The following SOX5 variants were observed in gnomAD, a reference collection of about 807,000 sequenced individuals.
The protein encoded by SOX5 is SRY-box transcription factor 5.
SOX5 carries 9 observed loss-of-function variants against 92.0 expected under a neutral mutation model. The ratio of observed to expected loss-of-function variants is 0.10; its 90% CI spans 0.06 to 0.17. The LOEUF (loss-of-function observed/expected upper bound fraction) is 0.17, where lower values mean the gene tolerates loss of function less well. SOX5 is among the 10% of genes least tolerant of loss of function. The pLI, the probability that SOX5 is intolerant of heterozygous loss-of-function variation, is 1.00. For missense variants in SOX5, 642 were observed against 944.5 expected, an observed-to-expected ratio of 0.68 and a Z score of 4.20; for synonymous variants, 344 against 336.3, an observed-to-expected ratio of 1.02 and a Z score of -0.25.
At chr12:23,594,860 T>C (rs920786403) in intron 9 of SOX5, among the ~76,000 whole-genome samples, 1 of 152,120 alleles carries the variant, frequency 6.6e-6, no homozygotes, top group Admixed American at 6.5e-5. Context: ...TTACTTTCCC[T>C]CCTGTTTAGA....
At chr12:23,930,627 GT>G (rs1384483016) in intron 1 of SOX5, among the ~76,000 whole-genome samples, 5 of 151,686 alleles carry the variant, frequency 3.3e-5, no homozygotes, top group African/African-American at 1.2e-4. Flanking sequence ...ACAGTTCTTA[GT>G]TGTTCTTAAT....
Position 24,393,052 on chromosome 12 carries a change from G to A in SOX5, c.-250-24413C>T, listed in dbSNP as rs146494908. Among the ~76,000 whole-genome samples, 1 of 152,146 alleles carries A rather than the reference G, an allele frequency of 6.6e-6. No individual in the cohort carries two copies. The highest frequency in any genetic ancestry group is 1.5e-5 in the Non-Finnish European group (1 of 68,022). On this transcript the variant is annotated intron_variant, in intron 1 of 4. Coordinates refer to the SOX5 transcript ENST00000446891. The surrounding 1 kb of genome is among the most constrained non-coding windows in gnomAD (Gnocchi z 5.0). ...CATATGAGAGGCTTCAATCTTGAGT[G>A]TGTGGGGGCATAAGTATTTTTTTCT...
At chr12:24,454,357 A>C (rs1444971962) in intron 1 of SOX5, among the ~76,000 whole-genome samples, 2 of 152,218 alleles carry the variant, frequency 1.3e-5, no homozygotes, top group African/African-American at 4.8e-5. Context: ...CAGAGATCAG[A>C]CATATCACTT....
At chr12:23,839,798 T>C (rs1219560035) in intron 3 of SOX5, among the ~76,000 whole-genome samples, 1 of 146,704 alleles carries the variant, frequency 6.8e-6, no homozygotes, top group African/African-American at 2.5e-5. Flanking sequence ...CTCAGCAAAC[T>C]AGGAATAGAG....
chr12:24,348,169 A>G (rs528759125), intron 2 of SOX5, among the ~76,000 whole-genome samples: 1 of 151,998 alleles, frequency 6.6e-6, no homozygotes, highest in South Asian at 2.1e-4. Flanking sequence ...AAGTGTGCCA[A>G]TTACCAGTTT....
chr12:24,111,180 C>G (rs995708097), intron 4 of SOX5, among the ~76,000 whole-genome samples: 1 of 151,928 alleles, frequency 6.6e-6, no homozygotes, highest in Non-Finnish European at 1.5e-5. Context: ...AAAAATCACC[C>G]CCCATTGAAA....
chr12:23,691,810 T>G (rs1271792743), intron 6 of SOX5, among the ~76,000 whole-genome samples: 1 of 152,104 alleles, frequency 6.6e-6, no homozygotes, highest in Non-Finnish European at 1.5e-5. Flanking sequence ...TTAAAAAATA[T>G]CCTTTGGCTC....
intron 3 of SOX5, chr12:24,227,776 G>C (rs1962408866): frequency 6.6e-6 from 1 of 152,170 alleles, no homozygotes; most frequent in African/African-American, 2.4e-5. Context: ...ATTCAGCACG[G>C]TATCCTTCGA....
intron 4 of SOX5, among the ~76,000 whole-genome samples, chr12:23,995,940 TG>T (rs1950991830): frequency 6.6e-6 from 1 of 152,196 alleles, no homozygotes; most frequent in Admixed American, 6.5e-5. Flanking sequence ...TGTCTTACCT[TG>T]GGATATATGT....
rs927873198 is a variant in SOX5 at position 24,253,925 on chromosome 12, C to A, written c.-77+23291G>T. ...AGGCAAGTTACTTAACTATCTGTGT[C>A]TCAATTTCCTCATCTATAAAAATGT... On this transcript the variant is annotated intron_variant, in intron 3 of 4. Coordinates refer to the SOX5 transcript ENST00000446891. Among the ~76,000 whole-genome samples, 5 of 152,264 alleles carry A rather than the reference C, an allele frequency of 3.3e-5. No homozygotes were observed. The East Asian group carries it at 9.6e-4, about 29-fold the overall frequency.
At chr12:23,770,048 G>GTTT (rs71059922) in intron 3 of SOX5, among the ~76,000 whole-genome samples, 1,214 of 106,446 alleles carry the variant, frequency 0.011, 52 homozygotes, top group Middle Eastern at 0.037. Context: ...TGCTCCCTCT[G>GTTT]TTTTTTTTTT....
rs571303726 is a variant in SOX5 at position 23,854,061 on chromosome 12, A to G, written c.271-7868T>C. 1.2e-3 allele frequency among the ~76,000 whole-genome samples: 184 copies of G among 152,144 alleles called. 1 individual carries two copies. Among genetic ancestry groups the G allele is most frequent in the African/African-American group, 3.9e-3 (164 of 41,524 alleles). On this transcript the variant is annotated intron_variant, in intron 2 of 14. Coordinates refer to ENST00000451604, the MANE Select transcript of SOX5 (RefSeq NM_006940.6). ...AGTAAACTTGACTAAATATCTATTC[A>G]CTCTATGTGTCTGAAGGAAGAAATA...
chr12:23,538,530 A>C (rs1941139733), intron 13 of SOX5, among the ~76,000 whole-genome samples: 1 of 152,190 alleles, frequency 6.6e-6, no homozygotes, highest in Non-Finnish European at 1.5e-5. Context: ...TATTCTCTGA[A>C]GATACTTGAA....
intron 2 of SOX5, among the ~76,000 whole-genome samples, chr12:23,848,998 T>C (rs957846011): frequency 3.3e-5 from 5 of 152,222 alleles, no homozygotes; most frequent in African/African-American, 9.6e-5. Context: ...CATTAAAATA[T>C]CTTTTTAAAA....
intron 6 of SOX5, 49 bp downstream of exon 6, chr12:23,734,633 CAG>C: frequency 1.5e-6 from 2 of 1,349,254 alleles, no homozygotes; most frequent in Non-Finnish European, 2.1e-6. Flanking sequence ...GGATAAGAAA[CAG>C]AATATATATT....
At chr12:24,000,216 T>C (rs985571534) in intron 4 of SOX5, among the ~76,000 whole-genome samples, 2 of 151,406 alleles carry the variant, frequency 1.3e-5, no homozygotes, top group South Asian at 2.1e-4. Context: ...AGATAAGAAG[T>C]TGGTAACTTC....
chr12:23,853,440 C>T (rs1286111050), intron 2 of SOX5, among the ~76,000 whole-genome samples: 1 of 151,322 alleles, frequency 6.6e-6, no homozygotes, highest in African/African-American at 2.4e-5. Context: ...AAGTTAAGGG[C>T]AAATTTTCTG....
At chr12:23,704,734 A>ATG in intron 6 of SOX5, among the ~76,000 whole-genome samples, 1 of 146,336 alleles carries the variant, frequency 6.8e-6, no homozygotes, top group Non-Finnish European at 1.5e-5. Context: ...ACACACACAT[A>ATG]CACACATACA....
At chr12:24,322,689 G>A (rs1185698336) in intron 2 of SOX5, among the ~76,000 whole-genome samples, 1 of 151,916 alleles carries the variant, frequency 6.6e-6, no homozygotes, top group Non-Finnish European at 1.5e-5. Context: ...AGTTAAAAGT[G>A]GAAGAAAAAA....
Sources: allele counts gnomAD v4.1 joint callset (sites outside exome capture counted in the v4.1 genomes callset), GRCh38; gene constraint gnomAD v4.1.1; non-coding constraint Gnocchi (gnomAD v3.1); transcripts MANE v1.5; gene names NCBI Gene and HGNC (gene_info 2026-07-23, HGNC 2026-07-21).